The following RUNX2 variants were observed in gnomAD, a reference collection of about 807,000 sequenced individuals.
RUNX2 encodes RUNX family transcription factor 2, also known as runt-related transcription factor 2.
Under a neutral mutation model 51.7 loss-of-function variants are expected in RUNX2, and 10 were observed. The ratio of observed to expected loss-of-function variants is 0.19; its 90% CI spans 0.12 to 0.33. The LOEUF is 0.33. RUNX2 is among the 10% of genes least tolerant of loss of function. The pLI, the probability that RUNX2 is intolerant of heterozygous loss-of-function variation, is 1.00. For synonymous variants in RUNX2, 276 were observed against 273.6 expected (o/e 1.01, Z -0.09); for missense variants, 562 against 691.3 (o/e 0.81, Z 2.10).
Position 45,529,081 on chromosome 6 carries a change from T to C in RUNX2, c.1022-16136T>C, listed in dbSNP as rs1223560499. On this transcript the variant is annotated intron_variant, in intron 7 of 8. Coordinates refer to ENST00000647337, the MANE Select transcript of RUNX2 (RefSeq NM_001024630.4). The stretch of plus-strand genomic sequence containing the variant: ...CCATGCCCTAAAAGGAGATTCCTCC[T>C]CATGAAACTCTAAATTTGGGGCTCT... Among the ~76,000 whole-genome samples the C allele has an allele frequency of 2.0e-5, 3 of 152,202 alleles. No individual in the cohort carries two copies. The South Asian group carries it at 6.2e-4, about 31-fold the overall frequency.
At chr6:45,412,316 G>A (rs751904560) in intron 2 of RUNX2, among the ~76,000 whole-genome samples, 9 of 151,846 alleles carry the variant, frequency 5.9e-5, no homozygotes, top group Middle Eastern at 3.4e-3. Context: ...TGATCACACC[G>A]GTACACTCCA....
rs1189104091 is a variant in RUNX2, at chr6:45,525,988, C to CA, written c.1021+13593dup. ...GCCTGGGTGACAGAGACTCTGTCTC[C>CA]AAAAAAAAAAAAGAAAACTAAATAC... On this transcript the variant is annotated intron_variant, in intron 7 of 8. Coordinates refer to ENST00000647337, the MANE Select transcript of RUNX2 (RefSeq NM_001024630.4). Among the ~76,000 whole-genome samples, 916 of 122,946 alleles carry CA rather than the reference C, an allele frequency of 7.5e-3. 6 individuals are homozygous for CA. The highest frequency in any genetic ancestry group is 0.022 in the African/African-American group (721 of 33,018). The allele number at this position is 122,946 out of a possible 152,430, so 80.7% of individuals were successfully genotyped here.
intron 5 of RUNX2, among the ~76,000 whole-genome samples, chr6:45,486,893 G>C (rs1800299968): frequency 6.6e-6 from 1 of 152,168 alleles, no homozygotes; most frequent in South Asian, 2.1e-4. Context: ...GAGTCTTCGT[G>C]TGCCAGTTTC....
chr6:45,370,938 A>G (rs752660520), intron 2 of RUNX2, among the ~76,000 whole-genome samples: 2 of 152,198 alleles, frequency 1.3e-5, no homozygotes, highest in Non-Finnish European at 2.9e-5. Flanking sequence ...TTCTTTGCAA[A>G]AACAGTCCCT....
chr6:45,462,323 T>C (rs1799500349), intron 5 of RUNX2, among the ~76,000 whole-genome samples: 1 of 152,226 alleles, frequency 6.6e-6, no homozygotes, highest in South Asian at 2.1e-4. Flanking sequence ...TTACTCAACA[T>C]TAAGCTGATG....
intron 5 of RUNX2, among the ~76,000 whole-genome samples, chr6:45,473,740 A>C (rs1799873493): frequency 6.6e-6 from 1 of 152,178 alleles, no homozygotes. Context: ...CAGGAAATAA[A>C]CCTCTGTTAA....
chr6:45,329,444 G>A (rs898698283), intron 2 of RUNX2, among the ~76,000 whole-genome samples: 1 of 151,804 alleles, frequency 6.6e-6, no homozygotes, highest in Non-Finnish European at 1.5e-5. Context: ...TAGTTGCCCA[G>A]GATATTAAAA....
At chr6:45,480,549 C>T (rs1800083136) in intron 5 of RUNX2, among the ~76,000 whole-genome samples, 1 of 152,204 alleles carries the variant, frequency 6.6e-6, no homozygotes, top group African/African-American at 2.4e-5. Context: ...CCATGCCTGA[C>T]CTGAGAGGGT....
intron 3 of RUNX2, among the ~76,000 whole-genome samples, chr6:45,425,165 A>T (rs551998218): frequency 5.3e-5 from 8 of 152,204 alleles, no homozygotes; most frequent in Non-Finnish European, 1.0e-4. Flanking sequence ...ATAAGAACAG[A>T]TGCTTACATT....
At chr6:45,521,048 A>G (rs543081241) in intron 7 of RUNX2, among the ~76,000 whole-genome samples, 1 of 152,304 alleles carries the variant, frequency 6.6e-6, no homozygotes, top group Non-Finnish European at 1.5e-5. Flanking sequence ...ATTTAATTGC[A>G]TGCCATTCTC....
chr6:45,367,114 G>A (rs1192418802), intron 2 of RUNX2, among the ~76,000 whole-genome samples: 1 of 152,108 alleles, frequency 6.6e-6, no homozygotes, highest in East Asian at 1.9e-4. Flanking sequence ...TGAAGCTTTT[G>A]AGAAGGCGAC....
At position 45,547,044 on chromosome 6, in the gene RUNX2, A is replaced by C; in HGVS notation, c.1305A>C (p.Gly435=). Residue 435 remains glycine, a synonymous_variant, in exon 9 of 9, where the codon GGA becomes GGC. Coordinates refer to ENST00000647337, the MANE Select transcript of RUNX2 (RefSeq NM_001024630.4). ...CCGGCTCTTCCCAAAGCCAGAGTGG[A>C]CCCTTCCAGACCAGCAGCACTCCAT... ...PYPGSSQSQS[G]PFQTSSTPYL... is the part of the protein sequence containing the mutation. 1 of 1,613,894 alleles carries C rather than the reference A, an allele frequency of 6.2e-7. No individual in the cohort carries two copies. The highest frequency in any genetic ancestry group is 8.5e-7 in the Non-Finnish European group (1 of 1,179,974).
intron 3 of RUNX2, among the ~76,000 whole-genome samples, chr6:45,426,489 C>T (rs2150364884): frequency 6.6e-6 from 1 of 152,300 alleles, no homozygotes; most frequent in Middle Eastern, 3.4e-3. Flanking sequence ...TCAGCATTTC[C>T]ACTGTGAAGC....
chr6:45,435,790 G>C (rs1036599052), intron 4 of RUNX2, among the ~76,000 whole-genome samples: 3 of 152,216 alleles, frequency 2.0e-5, no homozygotes, highest in East Asian at 1.9e-4. Context: ...CTGTTAGAAA[G>C]GCAATCCTGG....
intron 7 of RUNX2, among the ~76,000 whole-genome samples, chr6:45,526,128 T>C (rs1403556804): frequency 6.6e-6 from 1 of 152,236 alleles, no homozygotes; most frequent in Non-Finnish European, 1.5e-5. Context: ...AGTTAAGAGA[T>C]TCTGATGAGA....
At chr6:45,354,277 A>C (rs1325346652) in intron 2 of RUNX2, among the ~76,000 whole-genome samples, 1 of 152,182 alleles carries the variant, frequency 6.6e-6, no homozygotes, top group Non-Finnish European at 1.5e-5. Context: ...TATGATAGAT[A>C]TACACACAAT....
At chr6:45,358,650 G>A (rs1049664657) in intron 2 of RUNX2, among the ~76,000 whole-genome samples, 2 of 151,956 alleles carry the variant, frequency 1.3e-5, no homozygotes, top group African/African-American at 4.8e-5. Context: ...TTTAATCTTC[G>A]TACTAACCCT....
chr6:45,528,602 C>G (rs933965637), intron 7 of RUNX2, among the ~76,000 whole-genome samples: 1 of 151,206 alleles, frequency 6.6e-6, no homozygotes, highest in Non-Finnish European at 1.5e-5. Context: ...GCCTGGGTGA[C>G]AGAGGGAGAC....
intron 2 of RUNX2, among the ~76,000 whole-genome samples, chr6:45,352,278 G>GTTAA (rs1233826186): frequency 6.6e-6 from 1 of 152,042 alleles, no homozygotes; most frequent in Non-Finnish European, 1.5e-5. Context: ...TATGAACCAA[G>GTTAA]GAGTAAGCAA....
Sources: allele counts gnomAD v4.1 joint callset (sites outside exome capture counted in the v4.1 genomes callset), GRCh38; gene constraint gnomAD v4.1.1; transcripts MANE v1.5; gene names NCBI Gene and HGNC (gene_info 2026-07-23, HGNC 2026-07-21).